The following WASHC4 variants were observed in gnomAD, a reference collection of about 807,000 sequenced individuals.
WASHC4 encodes the protein WASH complex subunit 4, also known as WASH complex subunit 7.
A neutral mutation model predicts 166.6 loss-of-function variants in WASHC4; 86 were observed. That is an observed-to-expected ratio of 0.52 (90% CI 0.43 to 0.62). The LOEUF is 0.62. Among genes scored for constraint, WASHC4 ranks in the 20% least tolerant of loss-of-function variants. The pLI, the probability that WASHC4 is intolerant of heterozygous loss-of-function variation, is 0.00. For missense variants in WASHC4, 1,262 were observed against 1,382.4 expected, an observed-to-expected ratio of 0.91 and a Z score of 1.38; for synonymous variants, 446 against 451.6, an observed-to-expected ratio of 0.99 and a Z score of 0.16.
At chr12:105,131,443 G>T (rs1023049582) in intron 13 of WASHC4, among the ~76,000 whole-genome samples, 6 of 152,252 alleles carry the variant, frequency 3.9e-5, no homozygotes, top group Non-Finnish European at 8.8e-5. Context: ...TGATCACAGA[G>T]TGATGGGCAG....
intron 1 of WASHC4, among the ~76,000 whole-genome samples, chr12:105,108,287 T>C (rs1432491901): frequency 1.3e-5 from 2 of 152,186 alleles, no homozygotes; most frequent in African/African-American, 4.8e-5. Context: ...CCTGTTTCGG[T>C]TTCCTGTTTT....
intron 25 of WASHC4, among the ~76,000 whole-genome samples, chr12:105,151,686 T>C (rs1489532729): frequency 6.6e-6 from 1 of 152,170 alleles, no homozygotes; most frequent in East Asian, 1.9e-4. Context: ...TTCACCATAT[T>C]GGTCAGACTG....
intron 15 of WASHC4, among the ~76,000 whole-genome samples, chr12:105,138,782 T>C (rs1361092230): frequency 6.6e-6 from 1 of 152,204 alleles, no homozygotes; most frequent in African/African-American, 2.4e-5. Context: ...TTATTTTTTA[T>C]GAACTATAAA....
chr12:105,141,557 T>C (rs1196807), intron 18 of WASHC4, among the ~76,000 whole-genome samples: 133,751 of 152,248 alleles, frequency 0.88, 59,043 homozygotes, highest in East Asian at 1. Flanking sequence ...TAAATTGCTG[T>C]ATTATAACAG....
At position 105,133,876 on chromosome 12, in the gene WASHC4, AG is replaced by A; in HGVS notation, c.1307del (p.Arg436AsnfsTer23). 1 of 1,612,240 alleles carries A rather than the reference AG, an allele frequency of 6.2e-7. No individual in the cohort carries two copies. Among genetic ancestry groups the A allele is most frequent in the Non-Finnish European group, 8.5e-7 (1 of 1,178,798 alleles). ...MDKFAEDLTN[R>X]CNVFIQGFLY... ...TAAATTTGCTGAAGATCTCACCAAT[AG>A]ATGTAATGTTTTTATACAGGTAGTT... On this transcript the variant is annotated frameshift_variant, in exon 14 of 33. Coordinates refer to ENST00000332180, the MANE Select transcript of WASHC4 (RefSeq NM_015275.3). LOFTEE classifies it high-confidence loss of function.
chr12:105,114,491 T>C (rs1592841975), intron 4 of WASHC4, 64 bp downstream of exon 4: 1 of 1,025,816 alleles, frequency 9.7e-7, no homozygotes, highest in East Asian at 2.6e-5. Context: ...TATGTGTTTA[T>C]ATATGTACAG....
chr12:105,159,066 A>T (rs973423537), intron 28 of WASHC4, among the ~76,000 whole-genome samples: 1 of 152,224 alleles, frequency 6.6e-6, no homozygotes, highest in South Asian at 2.1e-4. Context: ...TACATAAGCC[A>T]TTTACAAAGT....
intron 24 of WASHC4, chr12:105,148,251 A>G (rs1883472225): frequency 7.1e-6 from 7 of 985,234 alleles, no homozygotes; most frequent in Non-Finnish European, 7.2e-6. Flanking sequence ...TTAAATTCCA[A>G]ATGAAGAGTC....
chr12:105,140,832 G>A (rs1004245312), intron 16 of WASHC4, 67 bp from the exon 17 acceptor site: 2 of 1,435,884 alleles, frequency 1.4e-6, no homozygotes, highest in Non-Finnish European at 1.9e-6. Context: ...AGATAATCAA[G>A]AAGTTTTTCT....
chr12:105,141,375 T>A, intron 18 of WASHC4, 129 bp downstream of exon 18: 3 of 772,276 alleles, frequency 3.9e-6, no homozygotes, highest in Non-Finnish European at 7.0e-6. Context: ...GTAACTTCTT[T>A]AGCATGACCA....
intron 17 of WASHC4, 55 bp downstream of exon 17, chr12:105,141,100 TC>T: frequency 6.2e-7 from 1 of 1,611,432 alleles, no homozygotes; most frequent in Middle Eastern, 1.7e-4. Context: ...ATTTCACAGT[TC>T]CCTTGTTACT....
intron 13 of WASHC4, among the ~76,000 whole-genome samples, chr12:105,131,078 ATTTATTTT>A (rs1445643068): frequency 4.0e-4 from 59 of 149,062 alleles, no homozygotes; most frequent in South Asian, 2.1e-4. Context: ...TTATTTATTT[ATTTATTTT>A]TTTTTTTTTT....
At chr12:105,127,824 CTTCT>C (rs1425812441) in intron 13 of WASHC4, among the ~76,000 whole-genome samples, 2 of 152,024 alleles carry the variant, frequency 1.3e-5, no homozygotes, top group African/African-American at 4.8e-5. Context: ...CTCTTTGTTT[CTTCT>C]TTTTTTTACA....
rs1884899528 is a variant in WASHC4 at position 105,168,079 on chromosome 12, T to C, written c.*1148T>C. ...TAAAACTTTCTAATACAAACACCAT[T>C]TTGGGAAATGCTTGATTTTTTTCTA... On this transcript the variant is annotated 3_prime_UTR_variant, in exon 33 of 33. Transcript: ENST00000332180. 4 of 152,074 alleles carry C rather than the reference T, an allele frequency of 2.6e-5. No homozygotes were observed. Among genetic ancestry groups the C allele is most frequent in the Admixed American group, 2.6e-4 (4 of 15,270 alleles). 9.4% of individuals were successfully genotyped at this position (152,074 alleles called of 1,614,324 possible).
At chr12:105,141,829 G>A (rs1882878112) in intron 18 of WASHC4, among the ~76,000 whole-genome samples, 1 of 151,918 alleles carries the variant, frequency 6.6e-6, no homozygotes, top group African/African-American at 2.4e-5. Context: ...CTTTTTTGTT[G>A]TTCTGGAGAA....
At chr12:105,160,217 T>G (rs1884410882) in intron 29 of WASHC4, 69 bp downstream of exon 29, 1 of 1,329,396 alleles carries the variant, frequency 7.5e-7, no homozygotes, top group African/African-American at 1.4e-5. Context: ...ATCTGGTTTC[T>G]TTGTAACACG....
chr12:105,127,715 T>G (rs1294569105), intron 13 of WASHC4, among the ~76,000 whole-genome samples: 1 of 152,140 alleles, frequency 6.6e-6, no homozygotes, highest in East Asian at 1.9e-4. Context: ...TATATGCATG[T>G]ATATAAAACA....
intron 6 of WASHC4, 85 bp from the exon 7 acceptor site, chr12:105,118,361 G>T (rs1048719397): frequency 1.0e-6 from 1 of 971,856 alleles, no homozygotes; most frequent in African/African-American, 1.6e-5. Flanking sequence ...TTTTGTTTTT[G>T]TTAGAGTTGT....
Position 105,114,274 on chromosome 12 carries a change from A to G in WASHC4, c.255+5A>G, listed in dbSNP as rs1463068794. The G allele has an allele frequency of 6.2e-7, 1 of 1,608,494 alleles. No individual in the cohort carries two copies. The highest frequency in any genetic ancestry group is 8.5e-7 in the Non-Finnish European group (1 of 1,176,426). ...CTCATAAAGACTGAAAACAAGGTAC[A>G]GAATCCTAAATCTAAAAAATTGTTT... is the stretch of plus-strand genomic sequence containing the variant. On this transcript the variant is annotated splice_donor_5th_base_variant and intron_variant, in intron 3 of 32. Coordinates refer to ENST00000332180, the MANE Select transcript of WASHC4 (RefSeq NM_015275.3).
Sources: gnomAD v4.1 joint callset for allele counts (sites outside exome capture counted in the v4.1 genomes callset) on GRCh38, gnomAD v4.1.1 for gene constraint, MANE v1.5 for transcripts, NCBI Gene and HGNC (gene_info 2026-07-23, HGNC 2026-07-21) for gene names.